Variants in IL33 observed in about 807,000 individuals in gnomAD.
IL33 encodes interleukin 33.
IL33 carries 37 observed loss-of-function variants against 27.3 expected under a neutral mutation model. The ratio of observed to expected loss-of-function variants is 1.36; its 90% confidence interval spans 1.04 to 1.78. The LOEUF (loss-of-function observed/expected upper bound fraction) is 1.78, where lower values mean the gene tolerates loss of function less well. Ranked by LOEUF, IL33 falls within the 40% of genes most tolerant of loss-of-function variation. The pLI, the probability that IL33 is intolerant of heterozygous loss-of-function variation, is 0.00. For synonymous variants in IL33, 132 were observed against 102.9 expected, an observed-to-expected ratio of 1.28 and a Z score of -1.71; for missense variants, 406 against 311.4, an observed-to-expected ratio of 1.30 and a Z score of -2.29.
chr9:6,250,360 T>G lies in IL33; in HGVS notation c.92-114T>G, dbSNP rs551108884. ...TTGAAACACAGCTGAGTTAAGGATT[T>G]CTGATAAGATACTGTGAACCTGTAC... On this transcript the variant is annotated intron_variant, in intron 2 of 7. Transcript: ENST00000682010. 1.8e-5 allele frequency: 22 copies of G among 1,228,038 alleles called. No homozygotes were observed. The Admixed American group carries it at 3.7e-4, about 21-fold the overall frequency. 76.1% of individuals were successfully genotyped at this position (1,228,038 alleles called of 1,614,324 possible). A position where few individuals can be genotyped will look rare whatever the true frequency, so the allele number is the denominator to read the frequency against.
At chr9:6,217,288 G>A (rs143592380) in intron 1 of IL33, among the ~76,000 whole-genome samples, 1 of 152,126 alleles carries the variant, frequency 6.6e-6, no homozygotes, top group Non-Finnish European at 1.5e-5. Context: ...ATCATGGCTA[G>A]TAATCATTTT....
Position 6,250,523 on chromosome 9 carries a change from C to G in IL33, c.141C>G (p.Leu47=). The change falls in exon 3 of 8, where the codon CTC becomes CTG. Residue 47 remains leucine, a synonymous_variant. Transcript: ENST00000682010. ...KEVCPMYFMK[L]RSGLMIKKEA... is the part of the protein sequence containing the mutation. ...TTTGCCCCATGTACTTTATGAAGCT[C>G]CGCTCTGGCCTTATGATAAAAAAGG... The G allele has an allele frequency of 6.2e-7, 1 of 1,614,002 alleles. No individual in the cohort carries two copies. Among genetic ancestry groups the G allele is most frequent in the Non-Finnish European group, 8.5e-7 (1 of 1,179,938 alleles).
intron 3 of IL33, among the ~76,000 whole-genome samples, 180 bp from the exon 4 acceptor site, chr9:6,250,960 A>G (rs918618810): frequency 5.9e-5 from 9 of 152,050 alleles, no homozygotes; most frequent in African/African-American, 1.4e-4. Flanking sequence ...ATCTCTAATG[A>G]GTGTGCTTCT....
intron 2 of IL33, among the ~76,000 whole-genome samples, chr9:6,247,346 G>C (rs1225012711): frequency 1.3e-5 from 2 of 152,166 alleles, no homozygotes; most frequent in African/African-American, 4.8e-5. Context: ...GGTCCTGAGA[G>C]TCCAATGCCA....
intron 2 of IL33, among the ~76,000 whole-genome samples, chr9:6,244,211 C>A (rs1381488084): frequency 6.6e-6 from 1 of 152,124 alleles, no homozygotes; most frequent in Non-Finnish European, 1.5e-5. Flanking sequence ...CTTACCTATA[C>A]CATTTAGAGG....
chr9:6,235,975 T>C (rs953123874), intron 1 of IL33, among the ~76,000 whole-genome samples: 4 of 151,252 alleles, frequency 2.6e-5, no homozygotes, highest in African/African-American at 4.9e-5. Context: ...CTTATAAATA[T>C]TTTCAAAGAA....
chr9:6,218,601 T>C (rs1818254018), intron 1 of IL33, among the ~76,000 whole-genome samples: 2 of 149,416 alleles, frequency 1.3e-5, no homozygotes, highest in African/African-American at 4.9e-5. Flanking sequence ...TATGCATATA[T>C]ATATATACAC....
chr9:6,254,642 G>A (rs1337467807), intron 7 of IL33, 89 bp downstream of exon 7: 1 of 695,586 alleles, frequency 1.4e-6, no homozygotes, highest in African/African-American at 1.8e-5. Context: ...TTGGGTGTTG[G>A]GGTATTTTGC....
intron 1 of IL33, among the ~76,000 whole-genome samples, chr9:6,224,426 T>A (rs1818545502): frequency 6.6e-6 from 1 of 152,232 alleles, no homozygotes; most frequent in Non-Finnish European, 1.5e-5. Context: ...TCCAAAGCTT[T>A]GCCATCTGAA....
intron 1 of IL33, among the ~76,000 whole-genome samples, chr9:6,226,280 G>C (rs1408344436): frequency 2.0e-5 from 3 of 151,972 alleles, no homozygotes; most frequent in Non-Finnish European, 2.9e-5. Flanking sequence ...TTCCAAAAGT[G>C]CTGGGACTAT....
chr9:6,238,759 T>C (rs1272118156), intron 1 of IL33, among the ~76,000 whole-genome samples: 10 of 152,132 alleles, frequency 6.6e-5, no homozygotes, highest in Non-Finnish European at 1.5e-5. Flanking sequence ...GAAGCAATAA[T>C]TATTGATAGA....
chr9:6,235,798 C>T (rs1485895430), intron 1 of IL33, among the ~76,000 whole-genome samples: 1 of 152,112 alleles, frequency 6.6e-6, no homozygotes, highest in Admixed American at 6.5e-5. Context: ...TAATGACACT[C>T]ATTGTTGCTA....
chr9:6,255,702 A>T (rs985598642), intron 7 of IL33, among the ~76,000 whole-genome samples: 2 of 152,124 alleles, frequency 1.3e-5, no homozygotes, highest in African/African-American at 4.8e-5. Context: ...AAGGGTACAA[A>T]TCCAGAACTG....
At chr9:6,245,262 T>A (rs1394558629) in intron 2 of IL33, among the ~76,000 whole-genome samples, 1 of 152,192 alleles carries the variant, frequency 6.6e-6, no homozygotes, top group African/African-American at 2.4e-5. Flanking sequence ...TTTTAAAAAA[T>A]AGGATATTTT....
intron 1 of IL33, among the ~76,000 whole-genome samples, chr9:6,235,532 A>G (rs1028355097): frequency 6.6e-6 from 1 of 152,224 alleles, no homozygotes; most frequent in Non-Finnish European, 1.5e-5. Flanking sequence ...TTTACCACAT[A>G]ATATTTGAAA....
intron 1 of IL33, among the ~76,000 whole-genome samples, chr9:6,228,963 C>T (rs1587618496): frequency 6.6e-6 from 1 of 151,916 alleles, no homozygotes; most frequent in African/African-American, 2.4e-5. Flanking sequence ...GTAATTTTGT[C>T]CTGCTGTAAG....
intron 2 of IL33, 48 bp downstream of exon 2, chr9:6,241,833 G>C (rs1462963733): frequency 2.5e-5 from 32 of 1,257,176 alleles, no homozygotes; most frequent in Non-Finnish European, 3.2e-5. Context: ...ATTTTTATCT[G>C]TTATCAAATA....
At chr9:6,228,970 T>C (rs1014292854) in intron 1 of IL33, among the ~76,000 whole-genome samples, 47 of 152,152 alleles carry the variant, frequency 3.1e-4, no homozygotes, top group African/African-American at 1.1e-3. Flanking sequence ...TGTCCTGCTG[T>C]AAGGTTAGTA....
At chr9:6,217,288 G>C (rs143592380) in intron 1 of IL33, among the ~76,000 whole-genome samples, 10 of 152,244 alleles carry the variant, frequency 6.6e-5, no homozygotes, top group African/African-American at 2.4e-4. Context: ...ATCATGGCTA[G>C]TAATCATTTT....
Sources: gnomAD v4.1 joint callset for allele counts (sites outside exome capture counted in the v4.1 genomes callset) on GRCh38, gnomAD v4.1.1 for gene constraint, MANE v1.5 for transcripts, NCBI Gene and HGNC (gene_info 2026-07-23, HGNC 2026-07-21) for gene names.